The following USP12 variants were observed in gnomAD, a reference collection of about 807,000 sequenced individuals.
USP12 encodes ubiquitin specific peptidase 12.
In USP12, 19 loss-of-function variants were observed where a neutral mutation model predicts 45.5. That is an observed-to-expected ratio of 0.42 (90% CI 0.29 to 0.61). The LOEUF is 0.61. USP12 is among the 20% of genes least tolerant of loss of function. The pLI is 0.22. For synonymous variants in USP12, 149 were observed against 148.8 expected (o/e 1.00, Z -0.01); for missense variants, 242 against 447.7 (o/e 0.54, Z 4.15).
rs1275416855 is a variant in USP12, at chr13:27,067,017, AATC to A, written c.*2263_*2265del. 2.0e-5 allele frequency: 3 copies of A among 152,226 alleles called. No individual in the cohort carries two copies. The highest frequency in any genetic ancestry group is 6.5e-5 in the Admixed American group (1 of 15,282). 9.4% of individuals were successfully genotyped at this position (152,226 alleles called of 1,614,324 possible). On this transcript the variant is annotated 3_prime_UTR_variant, in exon 9 of 9. Transcript: ENST00000282344. Reference sequence around the variant, plus strand: ...TCACCCCACAATCCCTCCCCTGACAAATCATACTATGAAGTACGGTGTAGATGT... The same window carrying A: ...TCACCCCACAATCCCTCCCCTGACAAATACTATGAAGTACGGTGTAGATGT...
intron 1 of USP12, among the ~76,000 whole-genome samples, chr13:27,155,227 G>T (rs892026003): frequency 3.3e-5 from 5 of 151,530 alleles, no homozygotes; most frequent in Admixed American, 3.3e-4. Context: ...GACTACAGGC[G>T]CGTGCCACCA....
chr13:27,120,319 A>G (rs185211480), intron 1 of USP12, among the ~76,000 whole-genome samples: 1 of 152,326 alleles, frequency 6.6e-6, no homozygotes, highest in Non-Finnish European at 1.5e-5. Flanking sequence ...GAAATCAGTG[A>G]TTCTTTACTG....
chr13:27,081,552 A>G (rs1424894471), intron 6 of USP12, among the ~76,000 whole-genome samples: 1 of 152,176 alleles, frequency 6.6e-6, no homozygotes, highest in Non-Finnish European at 1.5e-5. Flanking sequence ...ACTTCTTCCA[A>G]ACTGTTTTTA....
intron 6 of USP12, among the ~76,000 whole-genome samples, chr13:27,076,324 T>C (rs377276760): frequency 2.7e-4 from 41 of 152,314 alleles, no homozygotes; most frequent in African/African-American, 8.2e-4. Flanking sequence ...CTGTTCTTCA[T>C]GTTCTAAACA....
chr13:27,131,519 A>G (rs1170273085), intron 1 of USP12, among the ~76,000 whole-genome samples: 2 of 152,234 alleles, frequency 1.3e-5, no homozygotes, highest in Non-Finnish European at 2.9e-5. Flanking sequence ...AACGTGATGG[A>G]AACTTGCCCC....
At position 27,067,482 on chromosome 13, in the gene USP12, A is replaced by T. The variant is rs949268593; in HGVS notation, c.*1801T>A. On this transcript the variant is annotated 3_prime_UTR_variant, in exon 9 of 9. Transcript: ENST00000282344. ...AGGGTAAGGCTTTAGGAACTATCTT[A>T]AAAAGAAACTTGTCAAAATACTTTT... 22 of 152,310 alleles carry T rather than the reference A, an allele frequency of 1.4e-4. No individual in the cohort carries two copies. Among genetic ancestry groups the T allele is most frequent in the African/African-American group, 5.3e-4 (22 of 41,570 alleles). The allele number at this position is 152,310 out of a possible 1,614,324, so 9.4% of individuals were successfully genotyped here.
chr13:27,070,155 A>ACTATTACTATTTGTG (rs1873176288), intron 8 of USP12, among the ~76,000 whole-genome samples: 2 of 152,254 alleles, frequency 1.3e-5, no homozygotes, highest in Non-Finnish European at 2.9e-5. Context: ...CGCAGGCAAC[A>ACTATTACTATTTGTG]AGAATGCATC....
intron 7 of USP12, among the ~76,000 whole-genome samples, chr13:27,072,731 C>G (rs996100009): frequency 6.6e-6 from 1 of 152,036 alleles, no homozygotes; most frequent in Non-Finnish European, 1.5e-5. Flanking sequence ...CGAAATGGTG[C>G]CCAGTTTTGA....
chr13:27,124,326 G>A (rs144704598), intron 1 of USP12, among the ~76,000 whole-genome samples: 17 of 152,282 alleles, frequency 1.1e-4, no homozygotes, highest in African/African-American at 3.8e-4. Context: ...TGGTGTCTAT[G>A]AGGATATGTC....
chr13:27,103,607 A>AATAATAATAATAATAATAAT (rs1555234499), intron 3 of USP12, among the ~76,000 whole-genome samples: 1 of 128,520 alleles, frequency 7.8e-6, no homozygotes, highest in African/African-American at 2.9e-5. Context: ...TCAAAAAAAA[A>AATAATAATAATAATAATAAT]AATAATAATA....
rs779108487 is a variant in USP12, at chr13:27,127,582, TTG to T, written c.49-10988_49-10987del. Among the ~76,000 whole-genome samples the T allele has an allele frequency of 3.3e-5, 5 of 152,308 alleles. No individual in the cohort carries two copies. The East Asian group carries it at 9.6e-4, about 29-fold the overall frequency. On this transcript the variant is annotated intron_variant, in intron 1 of 8. Transcript: ENST00000282344. ...TTTTGCCGTCCAGTAGTGTTTATGT[TTG>T]TGTATACATCCCATTCTCCCACCTA...
intron 1 of USP12, among the ~76,000 whole-genome samples, chr13:27,127,238 A>G (rs1876283565): frequency 6.6e-6 from 1 of 152,256 alleles, no homozygotes; most frequent in Non-Finnish European, 1.5e-5. Flanking sequence ...AGAAGGGTCT[A>G]GACCTAAAAC....
intron 1 of USP12, among the ~76,000 whole-genome samples, chr13:27,154,372 T>C (rs1392191220): frequency 6.6e-6 from 1 of 152,246 alleles, no homozygotes; most frequent in Non-Finnish European, 1.5e-5. Flanking sequence ...TCAAAAGTTG[T>C]AAAAGTATTG....
chr13:27,144,050 G>A (rs558204843), intron 1 of USP12, among the ~76,000 whole-genome samples: 32 of 152,164 alleles, frequency 2.1e-4, no homozygotes, highest in Non-Finnish European at 4.1e-4. Flanking sequence ...CTAAGACTAT[G>A]AAACTTAGCC....
At position 27,071,144 on chromosome 13, in the gene USP12, G is replaced by T; in HGVS notation, c.938C>A (p.Pro313His). 6.3e-7 allele frequency: 1 copy of T among 1,597,968 alleles called. No individual in the cohort carries two copies. Among genetic ancestry groups the T allele is most frequent in the Non-Finnish European group, 8.5e-7 (1 of 1,174,070 alleles). Residue 313 changes from proline (P) to histidine (H), a missense_variant, in exon 8 of 9, where the codon CCC becomes CAC. Pro to His is a moderately conservative substitution (Grantham distance 77). Around this residue, in one of 5 missense-constraint regions of USP12, gnomAD observed 94 missense variants for 168.3 expected, o/e 0.56. Transcript: ENST00000282344. Reference sequence around the variant, plus strand: ...TATTGCAATATAATGGCCTCGATTGGGACCACTAAAACAAACGAAGAAGAA... The same window carrying T: ...TATTGCAATATAATGGCCTCGATTGTGACCACTAAAACAAACGAAGAAGAA... Reference protein sequence around the residue: ...VAVVVHCGSGPNRGHYIAIVK... With the variant: ...VAVVVHCGSGHNRGHYIAIVK...
At chr13:27,135,467 C>T (rs1876759966) in intron 1 of USP12, among the ~76,000 whole-genome samples, 1 of 152,104 alleles carries the variant, frequency 6.6e-6, no homozygotes. Context: ...AATCCCAGCA[C>T]TTTCGGAGGC....
Position 27,116,975 on chromosome 13 carries a change from C to T in USP12, c.49-379G>A, listed in dbSNP as rs1438069776. 3.3e-5 allele frequency among the ~76,000 whole-genome samples: 5 copies of T among 152,132 alleles called. No individual in the cohort carries two copies. In the East Asian group the frequency reaches 5.8e-4, roughly 18 times the overall value. On this transcript the variant is annotated intron_variant, in intron 1 of 8. Coordinates refer to ENST00000282344, the MANE Select transcript of USP12 (RefSeq NM_182488.4). ...ATGGCCTAACGATACATTTCTCACA[C>T]CATATCCCCATCGTTACACATGATC...
chr13:27,117,113 A>T (rs1272476257), intron 1 of USP12, among the ~76,000 whole-genome samples: 1 of 152,246 alleles, frequency 6.6e-6, no homozygotes, highest in African/African-American at 2.4e-5. Flanking sequence ...AGGAGAAAAG[A>T]AAGAATGATA....
rs958393374 is a variant in USP12, at chr13:27,129,102, TA to T, written c.49-12507del. Among the ~76,000 whole-genome samples the T allele has an allele frequency of 2.6e-5, 4 of 151,822 alleles. No individual in the cohort carries two copies. Among genetic ancestry groups the T allele is most frequent in the Admixed American group, 6.6e-5 (1 of 15,232 alleles). On this transcript the variant is annotated intron_variant, in intron 1 of 8. Transcript: ENST00000282344. The surrounding 1 kb of genome is among the most constrained non-coding windows in gnomAD (Gnocchi z 4.0). ...CTCGGAATATTCCATACACTTCAAA[TA>T]AAAAAAAGTACTCATATTGTGAACT...
Sources: gnomAD v4.1 joint callset for allele counts (sites outside exome capture counted in the v4.1 genomes callset) on GRCh38, gnomAD v4.1.1 for gene constraint, gnomAD v4.1.1 regional missense constraint, Gnocchi (gnomAD v3.1) non-coding constraint, MANE v1.5 for transcripts, NCBI Gene and HGNC (gene_info 2026-07-23, HGNC 2026-07-21) for gene names.